Variants in GRIK4 observed in about 807,000 individuals in gnomAD.
GRIK4 encodes glutamate receptor ionotropic, kainate 4.
A neutral mutation model predicts 104.9 loss-of-function variants in GRIK4; 40 were observed. That is an observed-to-expected ratio of 0.38 (90% CI 0.30 to 0.50). The LOEUF (loss-of-function observed/expected upper bound fraction) is 0.50. Ranked by LOEUF, GRIK4 falls within the 20% of genes least tolerant of loss-of-function variation. The pLI, the probability that GRIK4 is intolerant of heterozygous loss-of-function variation, is 0.93. For missense variants in GRIK4, 1,047 were observed against 1,308.1 expected (o/e 0.80, Z 3.08); for synonymous variants, 485 against 524.9 (o/e 0.92, Z 1.04).
In GRIK4 at chr11:120,653,753, C is replaced by G. The variant is rs568026520; in HGVS notation, c.-90C>G. On this transcript the variant is annotated 5_prime_UTR_variant, in exon 2 of 21. Transcript: ENST00000527524. ...CACTGAGGACACAGGTGGAAAAGCC[C>G]GAATTGCTCCCTGCTCTCCTGGCGC... The G allele has an allele frequency of 2.6e-4, 40 of 152,338 alleles. No homozygotes were observed. Among genetic ancestry groups the G allele is most frequent in the African/African-American group, 8.9e-4 (37 of 41,550 alleles). The allele number at this position is 152,338 out of a possible 1,614,324, so 9.4% of individuals were successfully genotyped here.
chr11:120,871,604 A>G (rs1454156650), intron 9 of GRIK4: 2 of 456,282 alleles, frequency 4.4e-6, no homozygotes, highest in East Asian at 1.4e-4. Flanking sequence ...CTCTGGGACC[A>G]AGGGACAGAC....
At chr11:120,703,818 A>G (rs945957031) in intron 3 of GRIK4, among the ~76,000 whole-genome samples, 2 of 152,100 alleles carry the variant, frequency 1.3e-5, no homozygotes, top group Admixed American at 6.5e-5. Flanking sequence ...TCCTGGAGGC[A>G]GGTGAATTAT....
intron 3 of GRIK4, among the ~76,000 whole-genome samples, chr11:120,717,747 G>T (rs974953008): frequency 3.3e-5 from 5 of 152,156 alleles, no homozygotes; most frequent in African/African-American, 1.2e-4. Flanking sequence ...CCTGCTGGGG[G>T]TGTGTGGGAT....
intron 3 of GRIK4, among the ~76,000 whole-genome samples, chr11:120,663,231 G>T (rs1012018225): frequency 5.3e-5 from 8 of 152,186 alleles, no homozygotes; most frequent in African/African-American, 1.9e-4. Context: ...TACTTAAAGA[G>T]ACCAGAGATC....
intron 8 of GRIK4, among the ~76,000 whole-genome samples, chr11:120,855,871 C>T (rs918177374): frequency 1.3e-5 from 2 of 152,226 alleles, no homozygotes; most frequent in Admixed American, 1.3e-4. Flanking sequence ...CCTATGGTGA[C>T]TTATTTAGCA....
At chr11:120,564,444 T>G (rs889262113) in intron 1 of GRIK4, 9 of 152,086 alleles carry the variant, frequency 5.9e-5, no homozygotes, top group African/African-American at 2.2e-4. Context: ...CCTTTCCCGA[T>G]TCCCCGACGT....
chr11:120,862,479 A>C (rs991056431), intron 9 of GRIK4, among the ~76,000 whole-genome samples: 3 of 152,162 alleles, frequency 2.0e-5, no homozygotes, highest in Non-Finnish European at 2.9e-5. Flanking sequence ...TTTTTCAGAT[A>C]AGGAAACTAA....
intron 1 of GRIK4, among the ~76,000 whole-genome samples, chr11:120,514,432 C>G (rs1363667669): frequency 6.6e-6 from 1 of 152,180 alleles, no homozygotes; most frequent in Non-Finnish European, 1.5e-5. Context: ...ACAGCTGGGT[C>G]CCAGGCCCCT....
At chr11:120,679,565 G>A (rs537961348) in intron 3 of GRIK4, among the ~76,000 whole-genome samples, 49 of 152,298 alleles carry the variant, frequency 3.2e-4, no homozygotes, top group Middle Eastern at 3.4e-3. Context: ...GAGTTGTGAT[G>A]GTGCAGGGAG....
At chr11:120,945,847 G>A (rs1327448968) in intron 14 of GRIK4, among the ~76,000 whole-genome samples, 1 of 152,218 alleles carries the variant, frequency 6.6e-6, no homozygotes, top group Non-Finnish European at 1.5e-5. Context: ...GAAAGTATCA[G>A]AATCCGTGGC....
At chr11:120,690,330 A>ATG (rs1950338587) in intron 3 of GRIK4, among the ~76,000 whole-genome samples, 1 of 152,126 alleles carries the variant, frequency 6.6e-6, no homozygotes, top group African/African-American at 2.4e-5. Flanking sequence ...ATGTTCGAGA[A>ATG]TGATCTTTTG....
At chr11:120,857,764 G>C (rs1372683933) in intron 8 of GRIK4, among the ~76,000 whole-genome samples, 1 of 152,128 alleles carries the variant, frequency 6.6e-6, no homozygotes, top group Non-Finnish European at 1.5e-5. Context: ...AAACAGCGTT[G>C]ACCAAACAGC....
At chr11:120,710,482 G>A (rs1950712510) in intron 3 of GRIK4, among the ~76,000 whole-genome samples, 1 of 152,166 alleles carries the variant, frequency 6.6e-6, no homozygotes, top group Admixed American at 6.5e-5. Flanking sequence ...AGTGCATATA[G>A]GCTCTGAGTC....
intron 1 of GRIK4, among the ~76,000 whole-genome samples, chr11:120,627,812 C>T (rs1565580041): frequency 1.3e-5 from 2 of 152,202 alleles, no homozygotes; most frequent in Non-Finnish European, 2.9e-5. Context: ...CTGGCTGCAT[C>T]CTCCCCTTTT....
intron 19 of GRIK4, among the ~76,000 whole-genome samples, chr11:120,969,352 C>T (rs2134756148): frequency 6.6e-6 from 1 of 152,176 alleles, no homozygotes. Context: ...TGCCCAGGAC[C>T]TGAATAGGTC....
chr11:120,582,227 T>C (rs1035241597), intron 1 of GRIK4, among the ~76,000 whole-genome samples: 7 of 151,454 alleles, frequency 4.6e-5, no homozygotes, highest in African/African-American at 1.7e-4. Context: ...TGAAAAGTAA[T>C]AACAGTCTTT....
At chr11:120,862,591 C>T (rs1954290677) in intron 9 of GRIK4, among the ~76,000 whole-genome samples, 1 of 152,168 alleles carries the variant, frequency 6.6e-6, no homozygotes, top group Non-Finnish European at 1.5e-5. Flanking sequence ...GGAATCCTGG[C>T]TCCTGGTCTG....
chr11:120,878,016 G>T (rs962006115), intron 11 of GRIK4, among the ~76,000 whole-genome samples: 1 of 152,156 alleles, frequency 6.6e-6, no homozygotes, highest in African/African-American at 2.4e-5. Flanking sequence ...TCCAGCAGCC[G>T]CTGCTCAGGC....
At chr11:120,944,046 CT>C (rs1943792903) in intron 14 of GRIK4, among the ~76,000 whole-genome samples, 1 of 152,100 alleles carries the variant, frequency 6.6e-6, no homozygotes, top group African/African-American at 2.4e-5. Flanking sequence ...ATGTTTTGCT[CT>C]TTTTACCACC....
Sources: allele counts gnomAD v4.1 joint callset (sites outside exome capture counted in the v4.1 genomes callset), GRCh38; gene constraint gnomAD v4.1.1; transcripts MANE v1.5; gene names NCBI Gene and HGNC (gene_info 2026-07-23, HGNC 2026-07-21).